The following KIF26B variants were observed in gnomAD, a reference collection of about 807,000 sequenced individuals.
The protein encoded by KIF26B is kinesin-like protein KIF26B.
A neutral mutation model predicts 151.2 loss-of-function variants in KIF26B; 63 were observed. That is an observed-to-expected ratio of 0.42 (90% CI 0.34 to 0.51). The LOEUF (loss-of-function observed/expected upper bound fraction) is 0.51. Among genes scored for constraint, KIF26B ranks in the 20% least tolerant of loss-of-function variants. KIF26B has a pLI of 0.07. For synonymous variants in KIF26B, 1,357 were observed against 1,262.1 expected, an observed-to-expected ratio of 1.08 and a Z score of -1.59; for missense variants, 2,813 against 2,913.6, an observed-to-expected ratio of 0.97 and a Z score of 0.79.
chr1:245,158,838 TTG>T (rs10656316), intron 2 of KIF26B, among the ~76,000 whole-genome samples: 3,710 of 149,008 alleles, frequency 0.025, 77 homozygotes, highest in African/African-American at 0.055. Flanking sequence ...TGAATAATAA[TTG>T]TGTGTGTGTG....
chr1:245,308,109 C>T (rs1474274182), intron 2 of KIF26B, among the ~76,000 whole-genome samples: 1 of 152,064 alleles, frequency 6.6e-6, no homozygotes, highest in African/African-American at 2.4e-5. Flanking sequence ...ACCTTCAAGC[C>T]GATTAAATGG....
chr1:245,240,278 C>T (rs1670191560), intron 2 of KIF26B, among the ~76,000 whole-genome samples: 1 of 152,108 alleles, frequency 6.6e-6, no homozygotes, highest in African/African-American at 2.4e-5. Flanking sequence ...TGGCCACATT[C>T]GCTTTATTTT....
intron 4 of KIF26B, among the ~76,000 whole-genome samples, chr1:245,502,404 G>C (rs1049595212): frequency 2.6e-5 from 4 of 151,994 alleles, no homozygotes; most frequent in Admixed American, 1.3e-4. Flanking sequence ...GCGCACGCCT[G>C]TAATCCCAGC....
At chr1:245,513,651 C>T (rs1192352450) in intron 4 of KIF26B, among the ~76,000 whole-genome samples, 1 of 152,206 alleles carries the variant, frequency 6.6e-6, no homozygotes, top group African/African-American at 2.4e-5. Flanking sequence ...TATGTTCTCT[C>T]TCTGGACAGC....
At chr1:245,417,781 A>C (rs1209775951) in intron 3 of KIF26B, among the ~76,000 whole-genome samples, 1 of 152,252 alleles carries the variant, frequency 6.6e-6, no homozygotes, top group East Asian at 1.9e-4. Flanking sequence ...TGTGTCAGGC[A>C]TCCTGCCATT....
rs894209939 is a variant in KIF26B, at chr1:245,708,691, G to A, written c.*6085G>A. ...AGTTCTAATTCCAGCTTTGCCAGTC[G>A]TCCCGTCCGTGATATATTACCTAAC... On this transcript the variant is annotated 3_prime_UTR_variant, in exon 15 of 15. Coordinates refer to ENST00000407071, the MANE Select transcript of KIF26B (RefSeq NM_018012.4). 8 of 151,882 alleles carry A rather than the reference G, an allele frequency of 5.3e-5. No individual in the cohort carries two copies. The highest frequency in any genetic ancestry group is 2.0e-4 in the Admixed American group (3 of 15,270). The allele number at this position is 151,882 out of a possible 1,614,324, so 9.4% of individuals were successfully genotyped here. A position where few individuals can be genotyped will look rare whatever the true frequency, so the allele number is the denominator to read the frequency against.
intron 2 of KIF26B, among the ~76,000 whole-genome samples, chr1:245,248,023 C>T (rs1312192478): frequency 6.6e-6 from 1 of 152,148 alleles, no homozygotes; most frequent in East Asian, 1.9e-4. Context: ...CTATCAGTCA[C>T]AGCACCAACA....
chr1:245,599,064 CG>C (rs2043364588), intron 5 of KIF26B, among the ~76,000 whole-genome samples: 1 of 152,046 alleles, frequency 6.6e-6, no homozygotes, highest in Non-Finnish European at 1.5e-5. Flanking sequence ...CAGGGAGAGG[CG>C]GGGCTGGAGG....
In KIF26B at chr1:245,557,971, G is replaced by A. The variant is rs78646506; in HGVS notation, c.1350+17021G>A. Among the ~76,000 whole-genome samples, 12 of 152,246 alleles carry A rather than the reference G, an allele frequency of 7.9e-5. No individual in the cohort carries two copies. The East Asian group carries it at 1.9e-3, about 25-fold the overall frequency. ...GCGAGAAATCCATCCTGGATACTGC[G>A]AACGCCCTTGATTCTTAGAAAAGTA... On this transcript the variant is annotated intron_variant, in intron 5 of 14. Coordinates refer to ENST00000407071, the MANE Select transcript of KIF26B (RefSeq NM_018012.4).
chr1:245,678,092 C>A (rs78780059), intron 10 of KIF26B, among the ~76,000 whole-genome samples: 2 of 152,218 alleles, frequency 1.3e-5, no homozygotes, highest in Non-Finnish European at 2.9e-5. Context: ...AGAAAAGGAT[C>A]TTCACAGATA....
chr1:245,198,374 T>C (rs2103536409), intron 2 of KIF26B, among the ~76,000 whole-genome samples: 1 of 152,326 alleles, frequency 6.6e-6, no homozygotes, highest in East Asian at 1.9e-4. Flanking sequence ...AGTTATTTAA[T>C]ATAGGGATTA....
At position 245,703,063 on chromosome 1, in the gene KIF26B, T is replaced by C. The variant is rs914220791; in HGVS notation, c.*457T>C. On this transcript the variant is annotated 3_prime_UTR_variant, in exon 15 of 15. Transcript: ENST00000407071. ...AAACATTTATGTTCATACTTTCTTG[T>C]GTACAGATGGTGCTAGTCAAGATGA... The C allele has an allele frequency of 6.4e-6, 1 of 156,980 alleles. No individual in the cohort carries two copies. The highest frequency in any genetic ancestry group is 2.4e-5 in the African/African-American group (1 of 41,630). 9.7% of individuals were successfully genotyped at this position (156,980 alleles called of 1,614,324 possible). A position where few individuals can be genotyped will look rare whatever the true frequency, so the allele number is the denominator to read the frequency against.
rs546187864 is a variant in KIF26B, at chr1:245,658,155, G to A, written c.2258+11875G>A. Among the ~76,000 whole-genome samples, 56 of 152,250 alleles carry A rather than the reference G, an allele frequency of 3.7e-4. No individual in the cohort carries two copies. In the South Asian group the frequency reaches 6.6e-3, roughly 18 times the overall value. On this transcript the variant is annotated intron_variant, in intron 10 of 14. Transcript: ENST00000407071. ...ATCATACTCTATTCTATGCCCTTCC[G>A]TACCTTCTTTTGATCAGTATTTCAT...
At chr1:245,680,557 A>G (rs754952523) in intron 10 of KIF26B, among the ~76,000 whole-genome samples, 8 of 152,050 alleles carry the variant, frequency 5.3e-5, no homozygotes, top group Non-Finnish European at 1.0e-4. Flanking sequence ...CGCTATCACG[A>G]TGTTCTCTCT....
At chr1:245,280,596 C>CA (rs1671027030) in intron 2 of KIF26B, among the ~76,000 whole-genome samples, 2 of 64,572 alleles carry the variant, frequency 3.1e-5, no homozygotes, top group Admixed American at 1.8e-4. Context: ...GGGAAGTTTT[C>CA]GTTTTTTTTT....
chr1:245,432,633 C>A (rs754097611), intron 4 of KIF26B, among the ~76,000 whole-genome samples: 2 of 152,072 alleles, frequency 1.3e-5, no homozygotes, highest in Admixed American at 1.3e-4. Context: ...TAGCTGTCTT[C>A]GTGAAGTATG....
At chr1:245,612,440 G>A (rs1377542601) in intron 9 of KIF26B, among the ~76,000 whole-genome samples, 1 of 152,130 alleles carries the variant, frequency 6.6e-6, no homozygotes, top group Non-Finnish European at 1.5e-5. Context: ...ACAATATGCA[G>A]TTCAGTGACT....
intron 8 of KIF26B, among the ~76,000 whole-genome samples, chr1:245,610,325 C>T (rs1178522032): frequency 6.6e-6 from 1 of 152,192 alleles, no homozygotes; most frequent in Non-Finnish European, 1.5e-5. Context: ...CTTAAAGCAC[C>T]TCAGATCCCT....
Position 245,611,855 on chromosome 1 carries a change from C to G in KIF26B, c.1977C>G (p.Ala659=). 6.2e-7 allele frequency: 1 copy of G among 1,613,834 alleles called. No individual in the cohort carries two copies. The highest frequency in any genetic ancestry group is 8.5e-7 in the Non-Finnish European group (1 of 1,179,882). ...AGAAGGCTGCCTTTTTCCTGGATGC[C>G]GCCATTGCCTCCCGCAGGAGCCACC... ...TAEKAAFFLD[A]AIASRRSHQQ... is the part of the protein sequence containing the mutation. The change falls in exon 9 of 15, where the codon GCC becomes GCG. Residue 659 remains alanine (A), a synonymous_variant. Coordinates refer to ENST00000407071, the MANE Select transcript of KIF26B (RefSeq NM_018012.4).
Sources: allele counts gnomAD v4.1 joint callset (sites outside exome capture counted in the v4.1 genomes callset), GRCh38; gene constraint gnomAD v4.1.1; transcripts MANE v1.5; gene names NCBI Gene and HGNC (gene_info 2026-07-23, HGNC 2026-07-21).